ASAP1: variants seen among roughly 807,000 people sequenced by gnomAD.
ASAP1 encodes the protein arf-GAP with SH3 domain, ANK repeat and PH domain-containing protein 1.
A neutral mutation model predicts 145.2 loss-of-function variants in ASAP1; 43 were observed. The observed-to-expected ratio is 0.30, with a 90% CI of 0.23 to 0.38. The LOEUF (loss-of-function observed/expected upper bound fraction) is 0.38. Among genes scored for constraint, ASAP1 ranks in the 10% least tolerant of loss-of-function variants. The pLI is 1.00. For missense variants in ASAP1, 1,018 were observed against 1,355.3 expected, an observed-to-expected ratio of 0.75 and a Z score of 3.91; for synonymous variants, 546 against 515.5, an observed-to-expected ratio of 1.06 and a Z score of -0.80.
chr8:130,156,162 C>T (rs1391093567), intron 12 of ASAP1, among the ~76,000 whole-genome samples: 5 of 152,200 alleles, frequency 3.3e-5, no homozygotes, highest in African/African-American at 1.2e-4. Context: ...TAATAAAGAG[C>T]ATTCCAAAGC....
chr8:130,316,909 G>A (rs993121453), intron 3 of ASAP1, among the ~76,000 whole-genome samples: 8 of 152,102 alleles, frequency 5.3e-5, no homozygotes, highest in Non-Finnish European at 8.8e-5. Context: ...AACAAAATGC[G>A]GTGCAGGCTC....
rs577219166 is a variant in ASAP1 at position 130,411,120 on chromosome 8, C to T, written c.-27-9150G>A. Among the ~76,000 whole-genome samples the T allele has an allele frequency of 2.0e-5, 3 of 152,320 alleles. No homozygotes were observed. In the South Asian group the frequency reaches 6.2e-4, roughly 32 times the overall value. ...CAGGTGATCCACCCACCTTGGGCCC[C>T]CAAATTGCTGGGATTACAGGCATGA... On this transcript the variant is annotated intron_variant, in intron 1 of 29. Coordinates refer to ENST00000518721, the MANE Select transcript of ASAP1 (RefSeq NM_018482.4).
intron 19 of ASAP1, 24 bp from the exon 20 acceptor site, chr8:130,118,270 A>C (rs891125728): frequency 1.2e-6 from 2 of 1,608,742 alleles, no homozygotes; most frequent in East Asian, 4.5e-5. Context: ...GAAAAGTATA[A>C]GTAAGTCAAT....
At chr8:130,424,242 C>A (rs1305798605) in intron 1 of ASAP1, among the ~76,000 whole-genome samples, 18 of 152,216 alleles carry the variant, frequency 1.2e-4, no homozygotes, top group African/African-American at 4.3e-4. Context: ...CTGGTCTATA[C>A]AGGCAAACTC....
chr8:130,120,771 G>A (rs1202915181), intron 18 of ASAP1, among the ~76,000 whole-genome samples: 1 of 152,192 alleles, frequency 6.6e-6, no homozygotes, highest in Non-Finnish European at 1.5e-5. Flanking sequence ...TGTGGCCATA[G>A]GAAGTATCTG....
chr8:130,358,608 C>T lies in ASAP1; in HGVS notation c.60-465G>A, dbSNP rs1304191464. Among the ~76,000 whole-genome samples, 1 of 146,074 alleles carries T rather than the reference C, an allele frequency of 6.8e-6. No homozygotes were observed. Among genetic ancestry groups the T allele is most frequent in the South Asian group, 2.1e-4 (1 of 4,798 alleles). ...GGCCTGACTGACTGAGCGCACACTC[C>T]CGCGGCGGGCGGGCGGGCGGGCGGC... is the stretch of plus-strand genomic sequence containing the variant. On this transcript the variant is annotated intron_variant, in intron 2 of 29. Transcript: ENST00000518721. This position sits in a 1 kb window ranked among gnomAD's most constrained non-coding sequence, Gnocchi z 4.1.
At chr8:130,115,860 G>T (rs370759139) in intron 22 of ASAP1, 125 bp from the exon 23 acceptor site, 2 of 707,770 alleles carry the variant, frequency 2.8e-6, no homozygotes, top group Non-Finnish European at 5.0e-6. Context: ...GTGTACTATA[G>T]GCAACACTCT....
intron 1 of ASAP1, among the ~76,000 whole-genome samples, chr8:130,414,858 G>A (rs1490423391): frequency 6.6e-6 from 1 of 151,684 alleles, no homozygotes; most frequent in African/African-American, 2.4e-5. Flanking sequence ...CCGGGTTCAA[G>A]CAATTTTCCT....
At position 130,188,139 on chromosome 8, in the gene ASAP1, C is replaced by A; in HGVS notation, c.450G>T (p.Leu150Phe). The change falls in exon 6 of 30, where the codon TTG (leucine) becomes TTT (phenylalanine). Residue 150 changes from leucine to phenylalanine, a missense_variant. This residue lies in a region of ASAP1 where 78 missense variants were observed against 161.0 expected (regional missense o/e 0.48). Coordinates refer to ENST00000518721, the MANE Select transcript of ASAP1 (RefSeq NM_018482.4). The stretch of plus-strand genomic sequence containing the variant: ...TGACTCCCTTTAGGTCTCCTTTTAA[C>A]AAAGAATCCAAGGTGAAGATCACAT... ...SHNVIFTLDSLLKGDLKGVKG... is the reference protein window; with the variant it reads ...SHNVIFTLDSFLKGDLKGVKG... The A allele has an allele frequency of 6.2e-7, 1 of 1,613,824 alleles. No homozygotes were observed. The highest frequency in any genetic ancestry group is 8.5e-7 in the Non-Finnish European group (1 of 1,179,846).
chr8:130,190,993 T>C (rs1220668814), intron 5 of ASAP1, among the ~76,000 whole-genome samples: 1 of 152,070 alleles, frequency 6.6e-6, no homozygotes, highest in African/African-American at 2.4e-5. Flanking sequence ...CCTTAATGCC[T>C]AGATTCCATT....
At chr8:130,107,327 C>G (rs193291532) in intron 24 of ASAP1, among the ~76,000 whole-genome samples, 2 of 151,446 alleles carry the variant, frequency 1.3e-5, no homozygotes, top group Admixed American at 1.3e-4. Context: ...GGACTACAGG[C>G]GTCCTCCACC....
In ASAP1 at chr8:130,364,861, T is replaced by C. The variant is rs544098353; in HGVS notation, c.60-6718A>G. ...TCATCTCTCACTTGGGCTCAGGAGT[T>C]TGAGGCTGCCGTGAGCTATGATTGC... On this transcript the variant is annotated intron_variant, in intron 2 of 29. Transcript: ENST00000518721. Among the ~76,000 whole-genome samples the C allele has an allele frequency of 2.0e-5, 3 of 152,278 alleles. No individual in the cohort carries two copies. In the East Asian group the frequency reaches 5.8e-4, roughly 29 times the overall value.
intron 2 of ASAP1, among the ~76,000 whole-genome samples, chr8:130,384,321 A>C (rs1465856098): frequency 6.6e-6 from 1 of 152,202 alleles, no homozygotes; most frequent in Non-Finnish European, 1.5e-5. Context: ...GCAACATCAA[A>C]GCTGTCATTG....
intron 3 of ASAP1, among the ~76,000 whole-genome samples, chr8:130,308,919 C>CA (rs35374936): frequency 1.3e-5 from 2 of 151,198 alleles, no homozygotes; most frequent in East Asian, 1.9e-4. Context: ...GTGTGCGCCT[C>CA]AAAAAAAAGA....
chr8:130,219,423 C>T (rs1212725332), intron 4 of ASAP1, among the ~76,000 whole-genome samples: 1 of 152,070 alleles, frequency 6.6e-6, no homozygotes, highest in Non-Finnish European at 1.5e-5. Flanking sequence ...AGTAAGCCAT[C>T]TGAGGGGAAT....
intron 3 of ASAP1, among the ~76,000 whole-genome samples, chr8:130,304,587 C>T (rs1450636045): frequency 6.6e-6 from 1 of 152,202 alleles, no homozygotes; most frequent in African/African-American, 2.4e-5. Flanking sequence ...CATCTGCCCA[C>T]CCCAGTGACA....
intron 25 of ASAP1, among the ~76,000 whole-genome samples, chr8:130,090,235 A>G (rs1459268385): frequency 1.3e-5 from 2 of 151,790 alleles, no homozygotes; most frequent in Non-Finnish European, 2.9e-5. Context: ...AGTCTATACA[A>G]TGTGAATAAA....
intron 1 of ASAP1, among the ~76,000 whole-genome samples, chr8:130,412,072 T>C (rs1307993440): frequency 6.6e-6 from 1 of 152,208 alleles, no homozygotes; most frequent in Non-Finnish European, 1.5e-5. Context: ...TCAATCACGC[T>C]GAGTCTTCAC....
At chr8:130,429,348 T>A (rs368481922) in intron 1 of ASAP1, among the ~76,000 whole-genome samples, 9 of 152,224 alleles carry the variant, frequency 5.9e-5, no homozygotes, top group African/African-American at 2.2e-4. Context: ...CCTCTCCCCC[T>A]AGTTCCATGT....
Sources: gnomAD v4.1 joint callset for allele counts (sites outside exome capture counted in the v4.1 genomes callset) on GRCh38, gnomAD v4.1.1 for gene constraint, gnomAD v4.1.1 regional missense constraint, Gnocchi (gnomAD v3.1) non-coding constraint, MANE v1.5 for transcripts, NCBI Gene and HGNC (gene_info 2026-07-23, HGNC 2026-07-21) for gene names.